The following SPRR2B variants were observed in gnomAD, a reference collection of about 807,000 sequenced individuals.
The protein encoded by SPRR2B is small proline-rich protein 2B.
SPRR2B carries 1 observed loss-of-function variant against 1.0 expected under a neutral mutation model. The observed-to-expected ratio is 1.01, with a 90% CI of 0.36 to 4.77. The LOEUF (loss-of-function observed/expected upper bound fraction) is 4.77. Ranked by LOEUF, SPRR2B falls within the 30% of genes most tolerant of loss-of-function variation. The probability of loss-of-function intolerance (pLI) is 0.16; values close to 1 mark genes in which losing one functional copy is unlikely to be tolerated. For synonymous variants in SPRR2B, 27 were observed against 33.4 expected (o/e 0.81, Z 0.66); for missense variants, 53 against 88.7 (o/e 0.60, Z 1.62).
chr1:153,080,048 TG>T, the SPRR2B span, among the ~76,000 whole-genome samples: 2 of 152,162 alleles, frequency 1.3e-5, no homozygotes, highest in Non-Finnish European at 2.9e-5. Flanking sequence ...CATTGAGAAG[TG>T]GTTTGTAGTT....
At position 153,070,526 on chromosome 1, in the gene SPRR2B, A is replaced by G. The variant is rs1654634984; in HGVS notation, c.*95T>C. The stretch of plus-strand genomic sequence containing the variant: ...GGGGAAAGAAGCTCCCTATGAATCC[A>G]TGATAAGCTTTGATGAGAAGATGAA... On this transcript the variant is annotated 3_prime_UTR_variant, in exon 2 of 2. Coordinates refer to ENST00000368755, the MANE Select transcript of SPRR2B (RefSeq NM_001388198.1). 6.5e-7 allele frequency: 1 copy of G among 1,545,290 alleles called. No individual in the cohort carries two copies. Among genetic ancestry groups the G allele is most frequent in the Non-Finnish European group, 8.7e-7 (1 of 1,144,568 alleles).
At chr1:153,075,914 T>G (rs2101613458), upstream of SPRR2B, among the ~76,000 whole-genome samples, 1 of 152,320 alleles carries the variant, frequency 6.6e-6, no homozygotes, top group East Asian at 1.9e-4. Flanking sequence ...GAACAACGGA[T>G]AATGTTTCTG....
At chr1:153,081,232 A>T in the SPRR2B span, among the ~76,000 whole-genome samples, 1 of 152,212 alleles carries the variant, frequency 6.6e-6, no homozygotes, top group South Asian at 2.1e-4. Context: ...GAATCCAATG[A>T]ATTCAGTGAC....
the SPRR2B span, among the ~76,000 whole-genome samples, chr1:153,081,573 G>T: frequency 3.9e-5 from 6 of 152,118 alleles, no homozygotes; most frequent in African/African-American, 1.4e-4. Context: ...TGAAATAAAA[G>T]GATGCTGGAG....
chr1:153,080,455 G>A, the SPRR2B span, among the ~76,000 whole-genome samples: 1 of 151,872 alleles, frequency 6.6e-6, no homozygotes, highest in African/African-American at 2.4e-5. Context: ...TATTTTAAAA[G>A]GCTAAAATCA....
At chr1:153,071,238 G>C (rs1426920079) in intron 1 of SPRR2B, among the ~76,000 whole-genome samples, 1 of 146,764 alleles carries the variant, frequency 6.8e-6, no homozygotes, top group Non-Finnish European at 1.5e-5. Context: ...CACAGAGCAA[G>C]GGCTGTTCAG....
the SPRR2B span, among the ~76,000 whole-genome samples, chr1:153,079,462 T>C: frequency 1.3e-3 from 196 of 152,342 alleles, 5 homozygotes; most frequent in East Asian, 0.036. Flanking sequence ...TGAATGGTAT[T>C]GCCTAGGTTT....
chr1:153,079,632 C>T, the SPRR2B span, among the ~76,000 whole-genome samples: 1 of 152,060 alleles, frequency 6.6e-6, no homozygotes, highest in Non-Finnish European at 1.5e-5. Context: ...ATCCTTTCCC[C>T]ATTGCTTGTT....
At chr1:153,080,988 A>T in the SPRR2B span, among the ~76,000 whole-genome samples, 9 of 152,194 alleles carry the variant, frequency 5.9e-5, 1 homozygote, top group South Asian at 1.9e-3. Flanking sequence ...ACTCACAAAG[A>T]CATGGTTGAA....
upstream of SPRR2B, among the ~76,000 whole-genome samples, chr1:153,076,184 C>A (rs1654764816): frequency 2.0e-5 from 3 of 152,136 alleles, no homozygotes; most frequent in South Asian, 6.2e-4. Context: ...CTTCTGCAGA[C>A]AAATTACCTA....
chr1:153,086,081 C>G, the SPRR2B span, among the ~76,000 whole-genome samples: 1 of 152,338 alleles, frequency 6.6e-6, no homozygotes, highest in South Asian at 2.1e-4. Context: ...CAGAAACACA[C>G]TTTAGTACAC....
the SPRR2B span, among the ~76,000 whole-genome samples, chr1:153,084,207 A>G: frequency 6.6e-6 from 1 of 152,112 alleles, no homozygotes; most frequent in Non-Finnish European, 1.5e-5. Flanking sequence ...GCCCAGAGCA[A>G]CACCCCATAT....
chr1:153,073,100 G>A (rs1654705160), upstream of SPRR2B, among the ~76,000 whole-genome samples: 1 of 152,190 alleles, frequency 6.6e-6, no homozygotes, highest in African/African-American at 2.4e-5. Context: ...TCTCAGTTAA[G>A]CAAGTTAGGT....
upstream of SPRR2B, among the ~76,000 whole-genome samples, chr1:153,073,248 T>C (rs999963748): frequency 6.6e-6 from 1 of 152,250 alleles, no homozygotes; most frequent in Non-Finnish European, 1.5e-5. Flanking sequence ...ACCAAATGTG[T>C]CCACATGTCA....
the SPRR2B span, among the ~76,000 whole-genome samples, chr1:153,080,033 T>G: frequency 6.6e-6 from 1 of 152,178 alleles, no homozygotes; most frequent in South Asian, 2.1e-4. Flanking sequence ...TATCCTCTTT[T>G]ATTTCATTGA....
upstream of SPRR2B, among the ~76,000 whole-genome samples, chr1:153,075,381 A>T (rs1323429879): frequency 6.6e-6 from 1 of 152,084 alleles, no homozygotes; most frequent in Non-Finnish European, 1.5e-5. Flanking sequence ...ATAAAAATAA[A>T]AAAAAACAGT....
At chr1:153,071,839 G>A (rs139367131), upstream of SPRR2B, among the ~76,000 whole-genome samples, 397 of 152,306 alleles carry the variant, frequency 2.6e-3, 2 homozygotes, top group Admixed American at 4.1e-3. Context: ...CTAACTGGTG[G>A]TCAAGGGCTC....
chr1:153,087,091 T>C, the SPRR2B span, among the ~76,000 whole-genome samples: 1 of 151,976 alleles, frequency 6.6e-6, no homozygotes, highest in East Asian at 1.9e-4. Flanking sequence ...TATAGCACTA[T>C]AACACAAAGA....
chr1:153,082,247 G>A, the SPRR2B span, among the ~76,000 whole-genome samples: 2 of 152,088 alleles, frequency 1.3e-5, no homozygotes, highest in Non-Finnish European at 2.9e-5. Flanking sequence ...AACACAAACA[G>A]TGTACAGAAA....
Sources: allele counts gnomAD v4.1 joint callset (sites outside exome capture counted in the v4.1 genomes callset), GRCh38; gene constraint gnomAD v4.1.1; transcripts MANE v1.5; gene names NCBI Gene and HGNC (gene_info 2026-07-23, HGNC 2026-07-21).